The following PRDM16 variants were observed in gnomAD, a reference collection of about 807,000 sequenced individuals.
PRDM16 encodes PR/SET domain 16, also known as histone-lysine N-methyltransferase PRDM16.
In PRDM16, 23 loss-of-function variants were observed where a neutral mutation model predicts 110.6. That is an observed-to-expected ratio of 0.21 (90% CI 0.15 to 0.29). PRDM16 has a LOEUF of 0.29. PRDM16 is among the 10% of genes least tolerant of loss of function. PRDM16 has a pLI of 1.00. For synonymous variants in PRDM16, 799 were observed against 781.8 expected (o/e 1.02, Z -0.37); for missense variants, 1,615 against 1,794.3 (o/e 0.90, Z 1.81).
At chr1:3,262,559 A>T (rs115571770) in intron 3 of PRDM16, among the ~76,000 whole-genome samples, 1,602 of 152,304 alleles carry the variant, frequency 0.011, 31 homozygotes, top group African/African-American at 0.037. Context: ...GTTGCAGGCT[A>T]TTCCTGGCCA....
At chr1:3,126,179 C>T (rs557036928) in intron 1 of PRDM16, among the ~76,000 whole-genome samples, 6 of 152,290 alleles carry the variant, frequency 3.9e-5, no homozygotes, top group African/African-American at 1.2e-4. Context: ...CGCCGCTGGC[C>T]GCTCTTCCCG....
intron 4 of PRDM16, among the ~76,000 whole-genome samples, chr1:3,388,551 C>T (rs549342000): frequency 1.3e-5 from 2 of 152,182 alleles, no homozygotes; most frequent in African/African-American, 4.8e-5. Context: ...ACAGTGTAAA[C>T]GTCCTAAAAA....
intron 3 of PRDM16, among the ~76,000 whole-genome samples, chr1:3,273,486 A>T (rs1253275983): frequency 6.6e-6 from 1 of 151,792 alleles, no homozygotes; most frequent in Non-Finnish European, 1.5e-5. Flanking sequence ...GTGCACATGC[A>T]TATATGAGCT....
At chr1:3,126,321 G>A (rs1276658882) in intron 1 of PRDM16, among the ~76,000 whole-genome samples, 1 of 152,170 alleles carries the variant, frequency 6.6e-6, no homozygotes, top group Admixed American at 6.5e-5. Flanking sequence ...GGCCACAGGT[G>A]CCAATGGCAT....
At chr1:3,303,239 C>G (rs946569806) in intron 3 of PRDM16, among the ~76,000 whole-genome samples, 2 of 151,868 alleles carry the variant, frequency 1.3e-5, no homozygotes, top group African/African-American at 4.8e-5. Flanking sequence ...TCCTCTCCCC[C>G]CAGCCCCTGG....
At chr1:3,344,197 T>C (rs1642321780) in intron 3 of PRDM16, among the ~76,000 whole-genome samples, 1 of 152,108 alleles carries the variant, frequency 6.6e-6, no homozygotes, top group Non-Finnish European at 1.5e-5. Flanking sequence ...AATTAGTCGG[T>C]TGCGATGGTG....
At chr1:3,421,941 C>T (rs888194539) in intron 12 of PRDM16, among the ~76,000 whole-genome samples, 1 of 149,476 alleles carries the variant, frequency 6.7e-6, no homozygotes, top group Admixed American at 6.7e-5. Context: ...GGCAGACAGA[C>T]AGGCAGGCGG....
chr1:3,214,561 G>C (rs1429801764), intron 2 of PRDM16, among the ~76,000 whole-genome samples: 1 of 152,230 alleles, frequency 6.6e-6, no homozygotes, highest in African/African-American at 2.4e-5. Flanking sequence ...GCTGGGTGTG[G>C]TTGTGCACAC....
rs1487236215 is a variant in PRDM16, at chr1:3,080,305, C to T, written c.37+11009C>T. On this transcript the variant is annotated intron_variant, in intron 1 of 16. Coordinates refer to ENST00000270722, the MANE Select transcript of PRDM16 (RefSeq NM_022114.4). The surrounding 1 kb of genome is among the most constrained non-coding windows in gnomAD (Gnocchi z 5.2). ...CTCTCTGAATGGGGTATTCAGTTCC[C>T]AGCCCAGGCTGAGCGTACAGCGAGT... Among the ~76,000 whole-genome samples, 1 of 152,178 alleles carries T rather than the reference C, an allele frequency of 6.6e-6. No individual in the cohort carries two copies. The highest frequency in any genetic ancestry group is 1.5e-5 in the Non-Finnish European group (1 of 68,042).
At chr1:3,114,973 C>T (rs1039051004) in intron 1 of PRDM16, among the ~76,000 whole-genome samples, 1 of 152,282 alleles carries the variant, frequency 6.6e-6, no homozygotes, top group African/African-American at 2.4e-5. Context: ...GACCTCGCCC[C>T]TGGGCCCACC....
In PRDM16 at chr1:3,405,444, C is replaced by T. The variant is rs775537180; in HGVS notation, c.1033-51C>T. On this transcript the variant is annotated intron_variant, in intron 7 of 16. Transcript: ENST00000270722. ...GGTTGGTCCGCCAGCCAGAACCAGG[C>T]CAAGGCGGGTGTCCAGGCAGGGCAC... 5.3e-6 allele frequency: 8 copies of T among 1,506,762 alleles called. No homozygotes were observed. In the South Asian group the frequency reaches 1.1e-4, roughly 20 times the overall value. The allele number at this position is 1,506,762 out of a possible 1,614,324, so 93.3% of individuals were successfully genotyped here.
chr1:3,200,593 C>T (rs372695887), intron 2 of PRDM16, among the ~76,000 whole-genome samples: 30 of 152,330 alleles, frequency 2.0e-4, no homozygotes, highest in Middle Eastern at 3.4e-3. Context: ...CTGCCCGCCT[C>T]GGCCTCCCGA....
At chr1:3,092,783 AC>A (rs1013710929) in intron 1 of PRDM16, among the ~76,000 whole-genome samples, 18 of 152,060 alleles carry the variant, frequency 1.2e-4, no homozygotes, top group African/African-American at 4.3e-4. Context: ...TAGGGTGGCA[AC>A]CTGGGCTGGG....
chr1:3,087,230 G>C (rs1642170946), intron 1 of PRDM16, among the ~76,000 whole-genome samples: 1 of 143,620 alleles, frequency 7.0e-6, no homozygotes, highest in Non-Finnish European at 1.5e-5. Flanking sequence ...CCCCACCCGA[G>C]ACCAGCCCCA....
At chr1:3,220,306 A>T (rs533180249) in intron 2 of PRDM16, among the ~76,000 whole-genome samples, 2 of 152,276 alleles carry the variant, frequency 1.3e-5, no homozygotes, top group South Asian at 2.1e-4. Flanking sequence ...GCATCATAGC[A>T]GCCGGCCAGG....
Position 3,111,097 on chromosome 1 carries a change from C to T in PRDM16, c.37+41801C>T, listed in dbSNP as rs184463074. Among the ~76,000 whole-genome samples, 103 of 152,230 alleles carry T rather than the reference C, an allele frequency of 6.8e-4. 2 individuals carry two copies. The South Asian group carries it at 8.3e-3, about 12-fold the overall frequency. On this transcript the variant is annotated intron_variant, in intron 1 of 16. Coordinates refer to ENST00000270722, the MANE Select transcript of PRDM16 (RefSeq NM_022114.4). Reference sequence around the variant, plus strand: ...GGGAAGCTGGAGGTGGGAGGCTCCACGCTGGCTCACGTGCAGGGGCCCAGG... The same window carrying T: ...GGGAAGCTGGAGGTGGGAGGCTCCATGCTGGCTCACGTGCAGGGGCCCAGG...
intron 3 of PRDM16, among the ~76,000 whole-genome samples, chr1:3,305,349 C>T (rs1173756220): frequency 1.3e-5 from 2 of 152,314 alleles, no homozygotes; most frequent in East Asian, 3.9e-4. Context: ...GCAGTTGCCC[C>T]GCAGCCCCTG....
At chr1:3,084,619 A>T (rs1224798769) in intron 1 of PRDM16, among the ~76,000 whole-genome samples, 3 of 152,206 alleles carry the variant, frequency 2.0e-5, no homozygotes, top group Non-Finnish European at 4.4e-5. Flanking sequence ...CACTTGAGCC[A>T]GGGAGGCACC....
intron 3 of PRDM16, among the ~76,000 whole-genome samples, chr1:3,280,982 C>T (rs540339498): frequency 1.3e-5 from 2 of 152,226 alleles, no homozygotes; most frequent in African/African-American, 4.8e-5. Context: ...GGCTGCCCAG[C>T]GAGGTTGGCT....
Sources: allele counts gnomAD v4.1 joint callset (sites outside exome capture counted in the v4.1 genomes callset), GRCh38; gene constraint gnomAD v4.1.1; non-coding constraint Gnocchi (gnomAD v3.1); transcripts MANE v1.5; gene names NCBI Gene and HGNC (gene_info 2026-07-23, HGNC 2026-07-21).